Variants in LRBA observed in about 807,000 individuals in gnomAD.
The protein encoded by LRBA is LPS responsive beige-like anchor protein.
LRBA carries 176 observed loss-of-function variants against 330.0 expected under a neutral mutation model. That is an observed-to-expected ratio of 0.53 (90% CI 0.47 to 0.60). The LOEUF is 0.60. Ranked by LOEUF, LRBA falls within the 20% of genes least tolerant of loss-of-function variation. LRBA has a pLI of 0.00. For missense variants in LRBA, 3,259 were observed against 3,444.8 expected, an observed-to-expected ratio of 0.95 and a Z score of 1.35; for synonymous variants, 1,230 against 1,193.0, an observed-to-expected ratio of 1.03 and a Z score of -0.64.
intron 2 of LRBA, among the ~76,000 whole-genome samples, chr4:150,972,215 T>G (rs920562630): frequency 2.0e-4 from 31 of 152,270 alleles, no homozygotes; most frequent in African/African-American, 7.5e-4. Context: ...ATTTTGTACA[T>G]ATATCCTAAA....
intron 37 of LRBA, among the ~76,000 whole-genome samples, chr4:150,627,163 T>G (rs1354764617): frequency 6.6e-6 from 1 of 152,096 alleles, no homozygotes; most frequent in Non-Finnish European, 1.5e-5. Flanking sequence ...GGCTGCTCAG[T>G]ATTCCTGGTC....
chr4:150,815,606 C>T (rs1238476852), intron 31 of LRBA, among the ~76,000 whole-genome samples: 1 of 151,834 alleles, frequency 6.6e-6, no homozygotes, highest in African/African-American at 2.4e-5. Flanking sequence ...CAAAACTCTG[C>T]TACCATCGCA....
At chr4:150,754,237 A>G (rs1019543329) in intron 35 of LRBA, among the ~76,000 whole-genome samples, 22 of 152,112 alleles carry the variant, frequency 1.4e-4, no homozygotes, top group African/African-American at 5.3e-4. Context: ...TCAGTACTTT[A>G]AGCCAAAACA....
chr4:150,579,736 AGAG>A (rs1379972986), intron 40 of LRBA: 3 of 456,228 alleles, frequency 6.6e-6, no homozygotes, highest in South Asian at 1.5e-5. Context: ...ACCCGAGAGA[AGAG>A]GAGAAGGCGC....
chr4:150,476,646 A>G (rs1251656141), intron 42 of LRBA, among the ~76,000 whole-genome samples: 2 of 152,216 alleles, frequency 1.3e-5, no homozygotes, highest in African/African-American at 4.8e-5. Flanking sequence ...ATATGCATGT[A>G]TTAAACTCCT....
chr4:150,824,733 A>G (rs938039473), intron 30 of LRBA, among the ~76,000 whole-genome samples: 1 of 152,178 alleles, frequency 6.6e-6, no homozygotes, highest in African/African-American at 2.4e-5. Flanking sequence ...ATGCTCAGAC[A>G]TTCTTGCATC....
chr4:150,398,553 A>G (rs538206314), intron 47 of LRBA, among the ~76,000 whole-genome samples: 1 of 152,310 alleles, frequency 6.6e-6, no homozygotes, highest in South Asian at 2.1e-4. Flanking sequence ...AATAGAGGAA[A>G]CTATTAATTA....
At chr4:150,415,677 G>T in intron 46 of LRBA, 87 bp from the exon 47 acceptor site, 1 of 772,910 alleles carries the variant, frequency 1.3e-6, no homozygotes, top group Non-Finnish European at 2.0e-6. Flanking sequence ...ATTTTCTATT[G>T]TTCAGAAGAA....
At chr4:150,860,177 T>C (rs771168863) in intron 22 of LRBA, among the ~76,000 whole-genome samples, 4 of 152,122 alleles carry the variant, frequency 2.6e-5, no homozygotes, top group Non-Finnish European at 5.9e-5. Flanking sequence ...AAAAGCCTTT[T>C]AAAAATGAAG....
chr4:150,335,506 C>T (rs1229164106), intron 48 of LRBA, among the ~76,000 whole-genome samples: 1 of 145,194 alleles, frequency 6.9e-6, no homozygotes, highest in South Asian at 2.1e-4. Flanking sequence ...TATATATACA[C>T]ACACATATAC....
At chr4:150,508,097 G>T (rs923854229) in intron 40 of LRBA, among the ~76,000 whole-genome samples, 1 of 146,358 alleles carries the variant, frequency 6.8e-6, no homozygotes, top group African/African-American at 2.5e-5. Flanking sequence ...GGGAGGGGAG[G>T]GATAGCATTA....
At chr4:150,905,571 C>A (rs1731229964) in intron 13 of LRBA, among the ~76,000 whole-genome samples, 1 of 151,742 alleles carries the variant, frequency 6.6e-6, no homozygotes, top group African/African-American at 2.4e-5. Flanking sequence ...AAAGACTATA[C>A]CTGTATCTTT....
At chr4:150,357,979 T>C (rs902761594) in intron 47 of LRBA, among the ~76,000 whole-genome samples, 17 of 152,050 alleles carry the variant, frequency 1.1e-4, no homozygotes, top group Non-Finnish European at 1.0e-4. Flanking sequence ...AAAATGACCA[T>C]AATGTAAAAA....
intron 2 of LRBA, chr4:151,013,330 G>A (rs1745063371): frequency 6.6e-6 from 1 of 152,116 alleles, no homozygotes; most frequent in Non-Finnish European, 1.5e-5. Flanking sequence ...TAAGTTGATG[G>A]GCAAGAGAGG....
chr4:150,539,858 C>T (rs1407961096), intron 40 of LRBA, among the ~76,000 whole-genome samples: 4 of 152,080 alleles, frequency 2.6e-5, no homozygotes, highest in African/African-American at 9.7e-5. Flanking sequence ...TATATTTTAT[C>T]AGAAATAAAA....
chr4:150,278,670 G>C (rs530320511), intron 55 of LRBA, among the ~76,000 whole-genome samples: 3 of 152,262 alleles, frequency 2.0e-5, no homozygotes, highest in African/African-American at 7.2e-5. Context: ...TTTGCTCTTT[G>C]ATCCTGTAAA....
At chr4:150,325,081 G>C (rs1029417517) in intron 49 of LRBA, among the ~76,000 whole-genome samples, 7 of 152,092 alleles carry the variant, frequency 4.6e-5, no homozygotes, top group Non-Finnish European at 1.0e-4. Context: ...TCAAAAGCAA[G>C]CCTCAAGAAG....
intron 40 of LRBA, among the ~76,000 whole-genome samples, chr4:150,511,042 G>A (rs1382637086): frequency 1.3e-5 from 2 of 151,976 alleles, no homozygotes; most frequent in Non-Finnish European, 1.5e-5. Flanking sequence ...ATTTTTAGTA[G>A]AGACAGGGTT....
intron 40 of LRBA, among the ~76,000 whole-genome samples, chr4:150,510,119 G>A (rs558116321): frequency 1.2e-4 from 18 of 152,122 alleles, no homozygotes; most frequent in Admixed American, 2.6e-4. Flanking sequence ...CAGCCTGGGC[G>A]GCAGAGTGAG....
Sources: allele counts gnomAD v4.1 joint callset (sites outside exome capture counted in the v4.1 genomes callset), GRCh38; gene constraint gnomAD v4.1.1; transcripts MANE v1.5; gene names NCBI Gene and HGNC (gene_info 2026-07-23, HGNC 2026-07-21).